PDE3B: variants seen among roughly 807,000 people sequenced by gnomAD.
The protein encoded by PDE3B is phosphodiesterase 3B.
A neutral mutation model predicts 116.8 loss-of-function variants in PDE3B; 66 were observed. The observed-to-expected ratio is 0.56, with a 90% CI of 0.46 to 0.69. PDE3B has a LOEUF of 0.69. PDE3B is among the 30% of genes least tolerant of loss of function. PDE3B has a pLI of 0.00. For missense variants in PDE3B, 1,384 were observed against 1,368.1 expected (o/e 1.01, Z -0.18); for synonymous variants, 595 against 533.6 (o/e 1.12, Z -1.59).
intron 1 of PDE3B, among the ~76,000 whole-genome samples, chr11:14,667,655 A>T (rs1457925825): frequency 6.8e-6 from 1 of 147,542 alleles, no homozygotes; most frequent in African/African-American, 2.5e-5. Flanking sequence ...ACATGGACAC[A>T]GGAAGGGGAA....
At chr11:14,792,579 C>T (rs959488765) in intron 4 of PDE3B, among the ~76,000 whole-genome samples, 2 of 152,082 alleles carry the variant, frequency 1.3e-5, no homozygotes, top group African/African-American at 2.4e-5. Context: ...CATTGAACAG[C>T]GACCCTGTTC....
In PDE3B at chr11:14,674,130, A is replaced by G. The variant is rs892752300; in HGVS notation, c.978+29077A>G. The stretch of plus-strand genomic sequence containing the variant: ...TGAATGTTTCCTCATTTTCAACAGT[A>G]GGATCTACCCGGGTCCTTTTCTTCC... On this transcript the variant is annotated intron_variant, in intron 1 of 15. Coordinates refer to ENST00000282096, the MANE Select transcript of PDE3B (RefSeq NM_000922.4). 2.1e-6 allele frequency: 3 copies of G among 1,456,868 alleles called. No individual in the cohort carries two copies. In the African/African-American group the frequency reaches 4.2e-5, roughly 20 times the overall value. The allele number at this position is 1,456,868 out of a possible 1,614,324, so 90.2% of individuals were successfully genotyped here.
At chr11:14,852,302 C>T (rs538852241) in intron 12 of PDE3B, among the ~76,000 whole-genome samples, 7 of 152,130 alleles carry the variant, frequency 4.6e-5, no homozygotes, top group Admixed American at 6.6e-5. Context: ...GTGATCTGTC[C>T]GCCTCAGCCT....
intron 1 of PDE3B, among the ~76,000 whole-genome samples, chr11:14,691,556 T>C (rs996636515): frequency 6.6e-6 from 1 of 152,178 alleles, no homozygotes; most frequent in African/African-American, 2.4e-5. Flanking sequence ...GGATATTTAT[T>C]ATTATTTTTT....
intron 1 of PDE3B, among the ~76,000 whole-genome samples, chr11:14,677,348 A>G (rs1484134335): frequency 3.9e-5 from 6 of 152,180 alleles, no homozygotes; most frequent in African/African-American, 1.4e-4. Context: ...AGGGTTTGAT[A>G]TGGGGCTCAT....
At chr11:14,779,941 G>T (rs1207252277) in intron 2 of PDE3B, among the ~76,000 whole-genome samples, 3 of 150,258 alleles carry the variant, frequency 2.0e-5, no homozygotes, top group African/African-American at 7.4e-5. Flanking sequence ...GCAGAGACAC[G>T]CATAGGCTCA....
At chr11:14,737,154 T>C (rs1856622415) in intron 1 of PDE3B, among the ~76,000 whole-genome samples, 1 of 151,824 alleles carries the variant, frequency 6.6e-6, no homozygotes, top group Non-Finnish European at 1.5e-5. Flanking sequence ...AAGCACAATG[T>C]CAGTGATAGA....
downstream of PDE3B, among the ~76,000 whole-genome samples, chr11:14,874,921 C>A (rs1308029798): frequency 1.3e-5 from 2 of 152,122 alleles, no homozygotes; most frequent in African/African-American, 2.4e-5. Flanking sequence ...GTCCTCATAC[C>A]TGTTTAACAG....
intron 1 of PDE3B, among the ~76,000 whole-genome samples, chr11:14,755,256 G>T (rs1857154010): frequency 6.6e-6 from 1 of 152,114 alleles, no homozygotes; most frequent in Non-Finnish European, 1.5e-5. Context: ...ATTTATGGCA[G>T]ATACATTTTC....
intron 1 of PDE3B, among the ~76,000 whole-genome samples, chr11:14,695,918 T>C (rs1855193790): frequency 6.6e-6 from 1 of 152,192 alleles, no homozygotes; most frequent in Non-Finnish European, 1.5e-5. Context: ...CTATCATTGA[T>C]GGGCATTTGG....
At chr11:14,674,871 G>A (rs987355880) in intron 1 of PDE3B, among the ~76,000 whole-genome samples, 24 of 152,146 alleles carry the variant, frequency 1.6e-4, no homozygotes, top group African/African-American at 4.8e-4. Flanking sequence ...ATGAAAGAGA[G>A]TATGTATGAG....
In PDE3B at chr11:14,644,103, G is replaced by A. The variant is rs1404617613; in HGVS notation, c.28G>A (p.Ala10Thr). ...GAGGAGGGACGAGCGAGACGCCAAA[G>A]CCATGCGGTCCCTGCAGCCGCCGGA... MRRDERDAK[A>T]MRSLQPPDGA... Residue 10 changes from alanine to threonine, a missense_variant, in exon 1 of 16, where the codon GCC becomes ACC. By Grantham distance (58) the Ala-to-Thr change is moderately conservative. This residue lies in a region of PDE3B where 956 missense variants were observed against 806.8 expected (regional missense o/e 1.18). Transcript: ENST00000282096. The A allele has an allele frequency of 1.3e-6, 2 of 1,570,684 alleles. No homozygotes were observed. The highest frequency in any genetic ancestry group is 1.1e-5 in the South Asian group (1 of 87,390).
At chr11:14,810,148 AGTT>A (rs1565147350) in intron 5 of PDE3B, among the ~76,000 whole-genome samples, 1 of 152,134 alleles carries the variant, frequency 6.6e-6, no homozygotes, top group Non-Finnish European at 1.5e-5. Flanking sequence ...AACCATTAAA[AGTT>A]GATAACATTT....
chr11:14,821,313 C>G (rs941928778), intron 7 of PDE3B, among the ~76,000 whole-genome samples: 1 of 152,178 alleles, frequency 6.6e-6, no homozygotes, highest in Non-Finnish European at 1.5e-5. Flanking sequence ...GTTATCAGAG[C>G]AGTCATGAGG....
chr11:14,878,231 A>T, the PDE3B span: 1 of 1,613,260 alleles, frequency 6.2e-7, no homozygotes, highest in East Asian at 2.2e-5. Context: ...AAACCTCTGA[A>T]GCAATGCTGT....
At chr11:14,673,639 A>G in intron 1 of PDE3B, 1 of 675,390 alleles carries the variant, frequency 1.5e-6, no homozygotes, top group Non-Finnish European at 2.8e-6. Flanking sequence ...CTGGCACTAA[A>G]CAAAGTTGTA....
chr11:14,674,357 C>T, intron 1 of PDE3B: 2 of 781,994 alleles, frequency 2.6e-6, no homozygotes, highest in Admixed American at 1.8e-5. Context: ...AAATTAGTGT[C>T]CTTGTATTTG....
chr11:14,690,783 G>C (rs1855022440), intron 1 of PDE3B, among the ~76,000 whole-genome samples: 1 of 152,130 alleles, frequency 6.6e-6, no homozygotes. Flanking sequence ...AGTTGCATTT[G>C]GCAATTCAGG....
chr11:14,778,625 TAACA>T (rs1225690591), intron 2 of PDE3B, among the ~76,000 whole-genome samples: 1 of 152,150 alleles, frequency 6.6e-6, no homozygotes. Flanking sequence ...GAAGGAAAAC[TAACA>T]AACAGAAAGA....
Sources: allele counts gnomAD v4.1 joint callset (sites outside exome capture counted in the v4.1 genomes callset), GRCh38; gene constraint gnomAD v4.1.1; regional missense constraint gnomAD v4.1.1; transcripts MANE v1.5; gene names NCBI Gene and HGNC (gene_info 2026-07-23, HGNC 2026-07-21).